The following CDC123 variants were observed in gnomAD, a reference collection of about 807,000 sequenced individuals.
CDC123 encodes cell division cycle 123.
In CDC123, 37 loss-of-function variants were observed where a neutral mutation model predicts 54.4. The ratio of observed to expected loss-of-function variants is 0.68; its 90% CI spans 0.52 to 0.89. CDC123 has a LOEUF of 0.89. Ranked by LOEUF, CDC123 falls within the 40% of genes least tolerant of loss-of-function variation. The pLI, the probability that CDC123 is intolerant of heterozygous loss-of-function variation, is 0.00. For missense variants in CDC123, 361 were observed against 412.1 expected (o/e 0.88, Z 1.07); for synonymous variants, 144 against 136.8 (o/e 1.05, Z -0.37).
At chr10:12,196,891 G>C (rs1835360250) in intron 1 of CDC123, among the ~76,000 whole-genome samples, 1 of 152,132 alleles carries the variant, frequency 6.6e-6, no homozygotes, top group Admixed American at 6.5e-5. Flanking sequence ...AAAAACATCA[G>C]GTAGGCGGCA....
Position 12,249,625 on chromosome 10 carries a change from G to T in CDC123, c.891G>T (p.Gln297His). The T allele has an allele frequency of 1.9e-6, 3 of 1,614,148 alleles. No homozygotes were observed. Among genetic ancestry groups the T allele is most frequent in the Non-Finnish European group, 2.5e-6 (3 of 1,180,018 alleles). The change falls in exon 12 of 13, where the codon CAG (glutamine) becomes CAT (histidine). Residue 297 changes from glutamine to histidine, a missense_variant. Gln to His is a conservative substitution (Grantham distance 24). Transcript: ENST00000281141. ...GCACAAACAGTGAAGTGACAGTCCAGCCCAGCCCCTATTTGAGTTACCGGC... is the reference window on the plus strand; with the variant it reads ...GCACAAACAGTGAAGTGACAGTCCATCCCAGCCCCTATTTGAGTTACCGGC... ...FRCTNSEVTVQPSPYLSYRLP... is the reference protein window; with the variant it reads ...FRCTNSEVTVHPSPYLSYRLP...
chr10:12,230,354 G>A lies in CDC123; in HGVS notation c.441-594G>A, dbSNP rs142425270. Among the ~76,000 whole-genome samples the A allele has an allele frequency of 6.5e-3, 995 of 152,034 alleles. 9 individuals carry two copies. The highest frequency in any genetic ancestry group is 0.023 in the African/African-American group (938 of 41,472). ...ATTTCAGGCGTCCACCACCACAGCC[G>A]GCTAATTTTTGTATTTTTACTAGAG... On this transcript the variant is annotated intron_variant, in intron 6 of 12. Coordinates refer to ENST00000281141, the MANE Select transcript of CDC123 (RefSeq NM_006023.3).
chr10:12,235,270 A>G (rs928402366), intron 8 of CDC123, 147 bp downstream of exon 8: 1 of 656,004 alleles, frequency 1.5e-6, no homozygotes, highest in Non-Finnish European at 2.7e-6. Context: ...GTTGATACTG[A>G]CTCTCTGGAA....
intron 10 of CDC123, among the ~76,000 whole-genome samples, chr10:12,240,086 T>C (rs554543239): frequency 1.3e-5 from 2 of 152,244 alleles, no homozygotes; most frequent in Middle Eastern, 6.8e-3. Flanking sequence ...CTTTTATCTT[T>C]AGACAGAAGA....
At chr10:12,229,498 C>A (rs931284194) in intron 6 of CDC123, among the ~76,000 whole-genome samples, 1 of 152,244 alleles carries the variant, frequency 6.6e-6, no homozygotes, top group Non-Finnish European at 1.5e-5. Flanking sequence ...TCTCACTGCC[C>A]TCCCTGCCTT....
At chr10:12,238,778 G>T (rs998082813) in intron 10 of CDC123, among the ~76,000 whole-genome samples, 1 of 152,058 alleles carries the variant, frequency 6.6e-6, no homozygotes, top group Non-Finnish European at 1.5e-5. Flanking sequence ...CCAGCACTTT[G>T]GGAGGCCGAG....
intron 4 of CDC123, among the ~76,000 whole-genome samples, chr10:12,215,442 C>T (rs1254511295): frequency 2.6e-5 from 4 of 152,142 alleles, no homozygotes; most frequent in Non-Finnish European, 5.9e-5. Context: ...TGTCGGTGTA[C>T]AGAGAACCAT....
intron 7 of CDC123, among the ~76,000 whole-genome samples, chr10:12,233,313 A>T (rs1363099307): frequency 2.8e-5 from 4 of 141,860 alleles, no homozygotes; most frequent in African/African-American, 1.1e-4. Context: ...ACACACACAC[A>T]CACTCTCTGT....
intron 2 of CDC123, among the ~76,000 whole-genome samples, chr10:12,201,021 A>G (rs1835432264): frequency 6.6e-6 from 1 of 152,084 alleles, no homozygotes; most frequent in Non-Finnish European, 1.5e-5. Flanking sequence ...TTTGGAGTTG[A>G]CAGTTCAGCT....
chr10:12,217,430 A>G lies in CDC123; in HGVS notation c.403A>G (p.Lys135Glu). The G allele has an allele frequency of 6.2e-7, 1 of 1,614,080 alleles. No homozygotes were observed. The highest frequency in any genetic ancestry group is 8.5e-7 in the Non-Finnish European group (1 of 1,179,978). ...CCTCAGCGACATCTTTCTGCTTTTC[A>G]AGAGTTCCGATTTCATCACTCGTGA... ...KTLSDIFLLF[K>E]SSDFITRDFT... The change falls in exon 6 of 13, where the codon AAG becomes GAG. Residue 135 changes from lysine (K) to glutamate (E), a missense_variant. Lys to Glu is a moderately conservative substitution (Grantham distance 56). Transcript: ENST00000281141.
intron 12 of CDC123, 82 bp from the exon 13 acceptor site, chr10:12,250,229 G>C (rs879387021): frequency 1.0e-4 from 80 of 788,938 alleles, no homozygotes; most frequent in Non-Finnish European, 1.5e-4. Context: ...CCTTTGCCAA[G>C]ACCTCTAGAA....
In CDC123 at chr10:12,196,997, C is replaced by CA. The variant is rs368356232; in HGVS notation, c.74+679dup. On this transcript the variant is annotated intron_variant, in intron 1 of 12. Transcript: ENST00000281141. The stretch of plus-strand genomic sequence containing the variant: ...TAACTGATTTTCTGAGCCAACATTT[C>CA]AGTAATTGCTGATTCATTATATGAT... 1.2e-3 allele frequency among the ~76,000 whole-genome samples: 177 copies of CA among 152,256 alleles called. 1 individual carries two copies. The highest frequency in any genetic ancestry group is 4.1e-3 in the African/African-American group (171 of 41,550).
chr10:12,236,341 G>A (rs1450372468), intron 8 of CDC123, among the ~76,000 whole-genome samples: 1 of 152,166 alleles, frequency 6.6e-6, no homozygotes, highest in Non-Finnish European at 1.5e-5. Flanking sequence ...GCTCACACCT[G>A]TAATCCCAAC....
At chr10:12,224,124 C>T (rs1025114292) in intron 6 of CDC123, among the ~76,000 whole-genome samples, 7 of 151,674 alleles carry the variant, frequency 4.6e-5, no homozygotes, top group Admixed American at 6.6e-5. Flanking sequence ...TTTGGTTTTC[C>T]GTTCCTGCGT....
Position 12,239,702 on chromosome 10 carries a change from C to G in CDC123, c.717+1217C>G, listed in dbSNP as rs1196316886. 2.0e-4 allele frequency among the ~76,000 whole-genome samples: 15 copies of G among 76,102 alleles called. 1 individual carries two copies. The highest frequency in any genetic ancestry group is 7.7e-4 in the African/African-American group (15 of 19,444). The allele number at this position is 76,102 out of a possible 152,430, so 49.9% of individuals were successfully genotyped here. A position where few individuals can be genotyped will look rare whatever the true frequency, so the allele number is the denominator to read the frequency against. On this transcript the variant is annotated intron_variant, in intron 10 of 12. Transcript: ENST00000281141. ...CAGCCTGGGCAACAAGAGCGAAACT[C>G]TGTTTTTTAAAAAAAAAAAAAAGGG...
At chr10:12,215,972 C>A in intron 5 of CDC123, 137 bp downstream of exon 5, 1 of 545,502 alleles carries the variant, frequency 1.8e-6, no homozygotes, top group East Asian at 3.4e-5. Flanking sequence ...ATTAATTTCC[C>A]TCTACTGTTT....
intron 9 of CDC123, among the ~76,000 whole-genome samples, chr10:12,238,184 C>G (rs530026689): frequency 1.3e-5 from 2 of 152,110 alleles, no homozygotes; most frequent in Non-Finnish European, 2.9e-5. Context: ...CAGTCTATAA[C>G]GGGGAACTGG....
intron 6 of CDC123, among the ~76,000 whole-genome samples, chr10:12,218,363 C>G (rs530707100): frequency 4.6e-5 from 7 of 151,440 alleles, no homozygotes; most frequent in African/African-American, 1.7e-4. Flanking sequence ...CCTCAGCCTC[C>G]CAAGTAGCCG....
At chr10:12,211,084 A>G (rs533182098) in intron 4 of CDC123, among the ~76,000 whole-genome samples, 19 of 152,354 alleles carry the variant, frequency 1.2e-4, no homozygotes, top group African/African-American at 4.6e-4. Context: ...AGTGTTTTAC[A>G]TAAAAATGTA....
Sources: gnomAD v4.1 joint callset for allele counts (sites outside exome capture counted in the v4.1 genomes callset) on GRCh38, gnomAD v4.1.1 for gene constraint, MANE v1.5 for transcripts, NCBI Gene and HGNC (gene_info 2026-07-23, HGNC 2026-07-21) for gene names.